Variants in ATG16L1 observed in about 807,000 individuals in gnomAD.
ATG16L1 encodes the protein autophagy related 16 like 1.
ATG16L1 carries 37 observed loss-of-function variants against 88.5 expected under a neutral mutation model. The observed-to-expected ratio is 0.42, with a 90% CI of 0.32 to 0.55. The LOEUF (loss-of-function observed/expected upper bound fraction) is 0.55, where lower values mean the gene tolerates loss of function less well. Ranked by LOEUF, ATG16L1 falls within the 20% of genes least tolerant of loss-of-function variation. The probability of loss-of-function intolerance (pLI) is 0.13; values close to 1 mark genes in which losing one functional copy is unlikely to be tolerated. For synonymous variants in ATG16L1, 301 were observed against 281.0 expected, an observed-to-expected ratio of 1.07 and a Z score of -0.71; for missense variants, 554 against 752.8, an observed-to-expected ratio of 0.74 and a Z score of 3.09.
At position 233,294,510 on chromosome 2, in the gene ATG16L1, G is replaced by A; in HGVS notation, c.*160G>A. The A allele has an allele frequency of 1.9e-6, 1 of 535,848 alleles. No homozygotes were observed. Among genetic ancestry groups the A allele is most frequent in the Non-Finnish European group, 3.3e-6 (1 of 305,056 alleles). The allele number at this position is 535,848 out of a possible 1,614,324, so 33.2% of individuals were successfully genotyped here. A position where few individuals can be genotyped will look rare whatever the true frequency, so the allele number is the denominator to read the frequency against. ...TAGCTTTGCCGTGAATGGGATTTCT[G>A]AAGATTTGACTGAGGTCTCTCTTGG... On this transcript the variant is annotated 3_prime_UTR_variant, in exon 18 of 18. Coordinates refer to ENST00000392017, the MANE Select transcript of ATG16L1 (RefSeq NM_030803.7).
chr2:233,268,959 C>T (rs1333738888), intron 5 of ATG16L1, among the ~76,000 whole-genome samples: 2 of 152,118 alleles, frequency 1.3e-5, no homozygotes, highest in African/African-American at 4.8e-5. Context: ...TAGGGGTCCT[C>T]CACCTAGCAG....
Position 233,292,449 on chromosome 2 carries a change from A to AC in ATG16L1, c.1628+21dup. On this transcript the variant is annotated intron_variant, in intron 16 of 17. Transcript: ENST00000392017. ...GTTGTCTTCAGGTTAGTAGTGACCCACCCCCCGCCAATTTGGTTCATCACA... is the reference window on the plus strand; with the variant it reads ...GTTGTCTTCAGGTTAGTAGTGACCCACCCCCCCGCCAATTTGGTTCATCACA... 6.2e-7 allele frequency: 1 copy of AC among 1,607,720 alleles called. No homozygotes were observed. Among genetic ancestry groups the AC allele is most frequent in the African/African-American group, 1.3e-5 (1 of 74,742 alleles).
At chr2:233,281,279 G>A in intron 11 of ATG16L1, 104 bp downstream of exon 11, 3 of 874,376 alleles carry the variant, frequency 3.4e-6, no homozygotes, top group Admixed American at 3.3e-5. Flanking sequence ...GCCATTCTCT[G>A]TATCTTAAGC....
At chr2:233,260,301 G>A (rs1223873704) in intron 2 of ATG16L1, among the ~76,000 whole-genome samples, 1 of 152,206 alleles carries the variant, frequency 6.6e-6, no homozygotes. Context: ...CATCTTCTGG[G>A]AAACTGTTAG....
At position 233,265,804 on chromosome 2, in the gene ATG16L1, T is replaced by A. The variant is rs190997624; in HGVS notation, c.641+661T>A. Among the ~76,000 whole-genome samples, 6 of 152,284 alleles carry A rather than the reference T, an allele frequency of 3.9e-5. No homozygotes were observed. The East Asian group carries it at 1.2e-3, about 29-fold the overall frequency. On this transcript the variant is annotated intron_variant, in intron 5 of 17. Transcript: ENST00000392017. ...TTTTAAGAATTCCCTGCAATCCTGC[T>A]AAGTCTATTTATTTAAGATAAATCT...
Position 233,251,773 on chromosome 2 carries a change from G to T in ATG16L1, c.-55G>T, listed in dbSNP as rs536159960. On this transcript the variant is annotated 5_prime_UTR_variant, in exon 1 of 18. Coordinates refer to ENST00000392017, the MANE Select transcript of ATG16L1 (RefSeq NM_030803.7). ...CTGGTTGCTTCATGCTGCAGGCTGCGGCCGTCAGCCCTCGCTCGCATTGGT... is the reference window on the plus strand; with the variant it reads ...CTGGTTGCTTCATGCTGCAGGCTGCTGCCGTCAGCCCTCGCTCGCATTGGT... 14 of 1,485,910 alleles carry T rather than the reference G, an allele frequency of 9.4e-6. No individual in the cohort carries two copies. The African/African-American group carries it at 1.7e-4, about 18-fold the overall frequency. The allele number at this position is 1,485,910 out of a possible 1,614,324, so 92.0% of individuals were successfully genotyped here. A position where few individuals can be genotyped will look rare whatever the true frequency, so the allele number is the denominator to read the frequency against.
chr2:233,274,131 A>G, intron 8 of ATG16L1: 1 of 1,328,352 alleles, frequency 7.5e-7, no homozygotes, highest in Middle Eastern at 1.8e-4. Context: ...CAGTCATCAG[A>G]TGTTCACGTG....
chr2:233,282,922 C>G, intron 12 of ATG16L1, 169 bp downstream of exon 12: 1 of 593,794 alleles, frequency 1.7e-6, no homozygotes, highest in South Asian at 2.1e-5. Context: ...ACTTTATACT[C>G]TTTGTCCAAA....
At position 233,294,940 on chromosome 2, in the gene ATG16L1, A is replaced by G. The variant is rs1699708331; in HGVS notation, c.*590A>G. ...AGCTTTCTGGCTCTCTTTCCCCCAC[A>G]AAATTCGACATATTTAAAAATCTCC... On this transcript the variant is annotated 3_prime_UTR_variant, in exon 18 of 18. Coordinates refer to ENST00000392017, the MANE Select transcript of ATG16L1 (RefSeq NM_030803.7). The G allele has an allele frequency of 6.6e-6, 1 of 152,462 alleles. No homozygotes were observed. The highest frequency in any genetic ancestry group is 6.5e-5 in the Admixed American group (1 of 15,278). The allele number at this position is 152,462 out of a possible 1,614,324, so 9.4% of individuals were successfully genotyped here.
chr2:233,292,026 G>A lies in ATG16L1; in HGVS notation c.1431-102G>A, dbSNP rs893326896. 104 of 1,376,228 alleles carry A rather than the reference G, an allele frequency of 7.6e-5. 1 individual carries two copies. Among genetic ancestry groups the A allele is most frequent in the Admixed American group, 1.9e-4 (9 of 48,110 alleles). 85.3% of individuals were successfully genotyped at this position (1,376,228 alleles called of 1,614,324 possible). On this transcript the variant is annotated intron_variant, in intron 14 of 17. Coordinates refer to ENST00000392017, the MANE Select transcript of ATG16L1 (RefSeq NM_030803.7). ...AACACATTGACTGCGCTGGCAGAGC[G>A]TTGCATGCTAGTTGAATTGCAGTGC...
At chr2:233,268,892 G>A (rs1012388705) in intron 5 of ATG16L1, among the ~76,000 whole-genome samples, 12 of 152,168 alleles carry the variant, frequency 7.9e-5, no homozygotes, top group Non-Finnish European at 1.5e-4. Flanking sequence ...AAAAACTTAC[G>A]AGAAATTTCA....
chr2:233,255,999 A>G (rs1696752715), intron 1 of ATG16L1, 103 bp from the exon 2 acceptor site: 1 of 851,956 alleles, frequency 1.2e-6, no homozygotes. Context: ...TGAGGAATGT[A>G]TGTTCCTGTA....
At chr2:233,293,210 G>A (rs774538940) in intron 16 of ATG16L1, 46 bp from the exon 17 acceptor site, 1 of 1,507,614 alleles carries the variant, frequency 6.6e-7, no homozygotes, top group Admixed American at 1.7e-5. Context: ...ATGCTGAATT[G>A]GGGGTGGGGA....
chr2:233,278,205 T>G lies in ATG16L1; in HGVS notation c.1060+532T>G, dbSNP rs59873591. 1.3e-3 allele frequency among the ~76,000 whole-genome samples: 202 copies of G among 152,344 alleles called. 1 individual carries two copies. Among genetic ancestry groups the G allele is most frequent in the African/African-American group, 4.6e-3 (191 of 41,584 alleles). On this transcript the variant is annotated intron_variant, in intron 10 of 17. Coordinates refer to ENST00000392017, the MANE Select transcript of ATG16L1 (RefSeq NM_030803.7). ...CAGACGAGGGCCCTTAGATCAAGAC[T>G]CAGTCTCTTTGGACTTTTAGGATGC...
chr2:233,278,696 G>C (rs773818280), intron 10 of ATG16L1, among the ~76,000 whole-genome samples: 3 of 152,130 alleles, frequency 2.0e-5, no homozygotes, highest in Non-Finnish European at 4.4e-5. Flanking sequence ...AAAAATCTTA[G>C]GGGTACTGCT....
chr2:233,290,524 G>A (rs1383026404), intron 14 of ATG16L1, among the ~76,000 whole-genome samples, 171 bp downstream of exon 14: 1 of 152,158 alleles, frequency 6.6e-6, no homozygotes, highest in East Asian at 1.9e-4. Flanking sequence ...AGACTGTGGA[G>A]CTTAGCAATC....
chr2:233,279,388 A>T (rs1698577889), intron 10 of ATG16L1, among the ~76,000 whole-genome samples: 1 of 152,250 alleles, frequency 6.6e-6, no homozygotes, highest in Non-Finnish European at 1.5e-5. Context: ...CATCAGTTGA[A>T]GTTAATACTG....
At chr2:233,274,066 C>G (rs1698176323) in intron 8 of ATG16L1, 1 of 1,544,980 alleles carries the variant, frequency 6.5e-7, no homozygotes, top group Non-Finnish European at 8.8e-7. Context: ...CTCTCTTAGT[C>G]CAGCATGTGA....
At chr2:233,255,060 G>T (rs749628029) in intron 1 of ATG16L1, among the ~76,000 whole-genome samples, 1 of 152,072 alleles carries the variant, frequency 6.6e-6, no homozygotes, top group Non-Finnish European at 1.5e-5. Flanking sequence ...TGCAACCTCT[G>T]CCTCCCGAGT....
Sources: allele counts gnomAD v4.1 joint callset (sites outside exome capture counted in the v4.1 genomes callset), GRCh38; gene constraint gnomAD v4.1.1; transcripts MANE v1.5; gene names NCBI Gene and HGNC (gene_info 2026-07-23, HGNC 2026-07-21).